Variants in INKA2 observed in about 807,000 individuals in gnomAD.
The protein encoded by INKA2 is PAK4-inhibitor INKA2.
In INKA2, 3 loss-of-function variants were observed where a neutral mutation model predicts 9.8. That is an observed-to-expected ratio of 0.31 (90% CI 0.14 to 0.79). The LOEUF (loss-of-function observed/expected upper bound fraction) is 0.79, where lower values mean the gene tolerates loss of function less well. Ranked by LOEUF, INKA2 falls within the 30% of genes least tolerant of loss-of-function variation. The probability of loss-of-function intolerance (pLI) is 0.62; values close to 1 mark genes in which losing one functional copy is unlikely to be tolerated. For synonymous variants in INKA2, 147 were observed against 143.3 expected (o/e 1.03, Z -0.18); for missense variants, 392 against 384.4 (o/e 1.02, Z -0.17).
upstream of INKA2, among the ~76,000 whole-genome samples, chr1:111,740,971 T>TAAAAAAAA (rs869221820): frequency 1.1e-3 from 42 of 38,402 alleles, 19 homozygotes; most frequent in Non-Finnish European, 1.5e-3. Context: ...AAACTCCGTT[T>TAAAAAAAA]AAAAAAAAAA....
chr1:111,740,384 T>TG (rs1436371992), upstream of INKA2, among the ~76,000 whole-genome samples: 6 of 151,710 alleles, frequency 4.0e-5, no homozygotes, highest in Non-Finnish European at 7.4e-5. Flanking sequence ...CGCAGACCGG[T>TG]GGGGGGTGCT....
At position 111,727,106 on chromosome 1, in the gene INKA2, G is replaced by T. The variant is rs747384854; in HGVS notation, c.756C>A (p.Ser252Arg). 4 of 1,614,214 alleles carry T rather than the reference G, an allele frequency of 2.5e-6. No individual in the cohort carries two copies. Among genetic ancestry groups the T allele is most frequent in the East Asian group, 2.2e-5 (1 of 44,882 alleles). The stretch of plus-strand genomic sequence containing the variant: ...GGAAATGTCCAGAGCCCTTGGAAAG[G>T]CTCCGCTTCTTGACCTTCTGTGAGC... ...TGRSQKVKKR[S>R]LSKGSGHFPF... is the part of the protein sequence containing the mutation. Residue 252 changes from serine to arginine, a missense_variant, in exon 2 of 2, where the codon AGC (serine) becomes AGA (arginine). Ser to Arg is a moderately radical substitution (Grantham distance 110, BLOSUM62 -1). Transcript: ENST00000357260.
At position 111,723,088 on chromosome 1, in the gene INKA2, C is replaced by G; in HGVS notation, c.*3880G>C. ...CAAGTCTAGTGCTCATACCATGGTGCTGGCAGAAGTGCCTTAACTGCACCG... is the reference window on the plus strand; with the variant it reads ...CAAGTCTAGTGCTCATACCATGGTGGTGGCAGAAGTGCCTTAACTGCACCG... On this transcript the variant is annotated 3_prime_UTR_variant, in exon 2 of 2. Coordinates refer to ENST00000357260, the MANE Select transcript of INKA2 (RefSeq NM_019099.5). 1 of 701,728 alleles carries G rather than the reference C, an allele frequency of 1.4e-6. No individual in the cohort carries two copies. Among genetic ancestry groups the G allele is most frequent in the Non-Finnish European group, 2.6e-6 (1 of 384,468 alleles). The allele number at this position is 701,728 out of a possible 1,614,324, so 43.5% of individuals were successfully genotyped here.
chr1:111,739,295 GC>G lies in INKA2; in HGVS notation c.-54del. The G allele has an allele frequency of 6.2e-7, 1 of 1,609,630 alleles. No individual in the cohort carries two copies. Among genetic ancestry groups the G allele is most frequent in the Non-Finnish European group, 8.5e-7 (1 of 1,178,020 alleles). On this transcript the variant is annotated 5_prime_UTR_variant, in exon 1 of 2. Transcript: ENST00000357260. ...CAGAGAGGGCCCGGGTGAAACCCCG[GC>G]CCCACTGGAAACTGCGCTCCGGGCC...
chr1:111,742,024 T>G (rs1001153886), upstream of INKA2, among the ~76,000 whole-genome samples: 2 of 151,724 alleles, frequency 1.3e-5, no homozygotes, highest in Non-Finnish European at 2.9e-5. Flanking sequence ...CCTGGTGAAA[T>G]AGTCTTTAGG....
chr1:111,752,360 C>A (rs1448437573), intron 1 of INKA2, among the ~76,000 whole-genome samples: 1 of 152,230 alleles, frequency 6.6e-6, no homozygotes, highest in African/African-American at 2.4e-5. Context: ...TTCAGTAGCA[C>A]CCTGCACTTT....
rs934645403 is a variant in INKA2, at chr1:111,739,288, A to C, written c.-46T>G. The stretch of plus-strand genomic sequence containing the variant: ...GTTCAAACAGAGAGGGCCCGGGTGA[A>C]ACCCCGGCCCCACTGGAAACTGCGC... On this transcript the variant is annotated 5_prime_UTR_variant, in exon 1 of 2. Transcript: ENST00000357260. The C allele has an allele frequency of 5.6e-6, 9 of 1,611,050 alleles. No homozygotes were observed. The African/African-American group carries it at 1.1e-4, about 19-fold the overall frequency.
chr1:111,728,070 C>T (rs12122417), intron 1 of INKA2, among the ~76,000 whole-genome samples: 11,390 of 147,686 alleles, frequency 0.077, 468 homozygotes, highest in East Asian at 0.12. Context: ...CACACACACA[C>T]ACAGACATTT....
chr1:111,747,256 A>C (rs913375677), intron 1 of INKA2: 1 of 152,200 alleles, frequency 6.6e-6, no homozygotes, highest in Admixed American at 6.5e-5. Flanking sequence ...GCCAATCACA[A>C]CACCAGGATG....
chr1:111,736,848 G>C (rs543109888), intron 1 of INKA2, among the ~76,000 whole-genome samples: 1 of 152,322 alleles, frequency 6.6e-6, no homozygotes, highest in South Asian at 2.1e-4. Flanking sequence ...TACTGTCCCT[G>C]GGCAAGGCAG....
At chr1:111,747,335 T>C (rs1663296087) in intron 1 of INKA2, 1 of 152,250 alleles carries the variant, frequency 6.6e-6, no homozygotes, top group African/African-American at 2.4e-5. Flanking sequence ...GCTGTTTGTC[T>C]ATCTTTCTCA....
At chr1:111,734,142 T>C (rs1662964308) in intron 1 of INKA2, among the ~76,000 whole-genome samples, 2 of 152,154 alleles carry the variant, frequency 1.3e-5, no homozygotes, top group Admixed American at 6.5e-5. Flanking sequence ...TGCCAAGAGC[T>C]GTAGGAGGGA....
In INKA2 at chr1:111,727,735, G is replaced by T; in HGVS notation, c.127C>A (p.Leu43Met). ...GCTGTCTGCACCTGGAGGAGCTTCA[G>T]TTCTTGCAGTGCACCCATCATGCAG... ...MNCMMGALQE[L>M]KLLQVQTALE... Residue 43 changes from leucine to methionine, a missense_variant, in exon 2 of 2, where the codon CTG becomes ATG. Leu to Met is a conservative substitution (Grantham distance 15). Coordinates refer to ENST00000357260, the MANE Select transcript of INKA2 (RefSeq NM_019099.5). 1 of 1,613,674 alleles carries T rather than the reference G, an allele frequency of 6.2e-7. No individual in the cohort carries two copies. The highest frequency in any genetic ancestry group is 8.5e-7 in the Non-Finnish European group (1 of 1,180,032).
At position 111,728,038 on chromosome 1, in the gene INKA2, TACAC is replaced by T. The variant is rs60867844; in HGVS notation, c.58-238_58-235del. ...GTCCTGAGAAGGCTCCCCCACCCCA[TACAC>T]ACACACACACACACACACACACACA... On this transcript the variant is annotated intron_variant, in intron 1 of 1. Transcript: ENST00000357260. 1.6e-3 allele frequency among the ~76,000 whole-genome samples: 177 copies of T among 109,470 alleles called. 2 individuals are homozygous for T. The highest frequency in any genetic ancestry group is 4.6e-3 in the East Asian group (18 of 3,904). The allele number at this position is 109,470 out of a possible 152,430, so 71.8% of individuals were successfully genotyped here. A position where few individuals can be genotyped will look rare whatever the true frequency, so the allele number is the denominator to read the frequency against.
chr1:111,751,851 G>A (rs1050589407), intron 1 of INKA2, among the ~76,000 whole-genome samples: 2 of 151,986 alleles, frequency 1.3e-5, no homozygotes, highest in African/African-American at 4.8e-5. Flanking sequence ...TGCCTCCAAT[G>A]TCCTTTCCCC....
intron 1 of INKA2, among the ~76,000 whole-genome samples, chr1:111,735,663 C>CT (rs545950369): frequency 7.2e-5 from 11 of 152,310 alleles, no homozygotes; most frequent in African/African-American, 2.6e-4. Flanking sequence ...TTTGCAAAAG[C>CT]TTTTTTCTGC....
intron 1 of INKA2, among the ~76,000 whole-genome samples, chr1:111,748,757 T>C (rs1663327744): frequency 6.6e-6 from 1 of 152,188 alleles, no homozygotes; most frequent in South Asian, 2.1e-4. Flanking sequence ...AGAGGTTTGA[T>C]TTAATCAACC....
chr1:111,755,131 C>T lies in INKA2; in HGVS notation n.124+570G>A, dbSNP rs186760063. 251 of 157,768 alleles carry T rather than the reference C, an allele frequency of 1.6e-3. 1 individual carries two copies. Among genetic ancestry groups the T allele is most frequent in the Non-Finnish European group, 1.8e-3 (128 of 71,772 alleles). 9.8% of individuals were successfully genotyped at this position (157,768 alleles called of 1,614,324 possible). On this transcript the variant is annotated intron_variant and non_coding_transcript_variant, in intron 1 of 1. Transcript: ENST00000444059. ...ATTAGGCATCCCAAGGGAGGTGCTG[C>T]GGAGGCGGATGCATGGAGGCGGATG... is the stretch of plus-strand genomic sequence containing the variant.
At chr1:111,755,153 G>C (rs145121154) in intron 1 of INKA2, 2 of 158,822 alleles carry the variant, frequency 1.3e-5, no homozygotes, top group African/African-American at 4.8e-5. Context: ...CATGGAGGCG[G>C]ATGCGGAGGC....
Sources: gnomAD v4.1 joint callset for allele counts (sites outside exome capture counted in the v4.1 genomes callset) on GRCh38, gnomAD v4.1.1 for gene constraint, MANE v1.5 for transcripts, NCBI Gene and HGNC (gene_info 2026-07-23, HGNC 2026-07-21) for gene names.